GRK5: variants seen among roughly 807,000 people sequenced by gnomAD.
GRK5 encodes g protein-coupled receptor kinase GRK5.
A neutral mutation model predicts 78.4 loss-of-function variants in GRK5; 40 were observed. That is an observed-to-expected ratio of 0.51 (90% CI 0.40 to 0.66). GRK5 has a LOEUF of 0.66. GRK5 is among the 30% of genes least tolerant of loss of function. The pLI is 0.00. For missense variants in GRK5, 598 were observed against 759.9 expected (o/e 0.79, Z 2.50); for synonymous variants, 289 against 296.8 (o/e 0.97, Z 0.27).
At chr10:119,446,814 G>T (rs1853158703) in intron 12 of GRK5, among the ~76,000 whole-genome samples, 1 of 152,136 alleles carries the variant, frequency 6.6e-6, no homozygotes, top group African/African-American at 2.4e-5. Flanking sequence ...CAGACCCTGA[G>T]CCCCAAGAGG....
chr10:119,305,687 C>T (rs1055805549), intron 1 of GRK5, among the ~76,000 whole-genome samples: 4 of 152,222 alleles, frequency 2.6e-5, no homozygotes, highest in East Asian at 1.9e-4. Flanking sequence ...CCGGGAGACA[C>T]GTGTAAGTGC....
chr10:119,437,629 T>G (rs1852948646), intron 9 of GRK5, among the ~76,000 whole-genome samples: 2 of 152,190 alleles, frequency 1.3e-5, no homozygotes, highest in Admixed American at 1.3e-4. Context: ...GAAAGCTCTT[T>G]AGTGATGAGG....
chr10:119,451,374 C>CA (rs1853282146), intron 13 of GRK5, among the ~76,000 whole-genome samples: 2 of 152,040 alleles, frequency 1.3e-5, no homozygotes, highest in African/African-American at 4.8e-5. Flanking sequence ...ACGCTCATTT[C>CA]TTAACATTCC....
At chr10:119,263,787 G>T (rs150356921) in intron 1 of GRK5, among the ~76,000 whole-genome samples, 2 of 152,082 alleles carry the variant, frequency 1.3e-5, no homozygotes, top group Admixed American at 6.6e-5. Flanking sequence ...TTAGCCGGGC[G>T]TGGTGGCGGG....
At chr10:119,276,398 A>G (rs1443583543) in intron 1 of GRK5, among the ~76,000 whole-genome samples, 4 of 152,130 alleles carry the variant, frequency 2.6e-5, no homozygotes, top group East Asian at 1.9e-4. Flanking sequence ...ATGATTTCCA[A>G]TTTCATCCAT....
intron 1 of GRK5, among the ~76,000 whole-genome samples, chr10:119,214,573 G>A (rs1250833487): frequency 6.6e-6 from 1 of 152,144 alleles, no homozygotes; most frequent in Non-Finnish European, 1.5e-5. Context: ...AGTCTGTAGT[G>A]CAGTGGTGCC....
chr10:119,295,447 T>C (rs866463381), intron 1 of GRK5, among the ~76,000 whole-genome samples: 9 of 152,186 alleles, frequency 5.9e-5, no homozygotes, highest in Admixed American at 3.3e-4. Flanking sequence ...TACCATTTGA[T>C]CCAGCAATCC....
chr10:119,320,031 CAG>C (rs1850556936), intron 1 of GRK5, among the ~76,000 whole-genome samples: 1 of 152,218 alleles, frequency 6.6e-6, no homozygotes, highest in African/African-American at 2.4e-5. Flanking sequence ...GTGATCCAGA[CAG>C]GGGGCTCTGC....
chr10:119,262,015 T>C (rs1564868508), intron 1 of GRK5, among the ~76,000 whole-genome samples: 1 of 152,282 alleles, frequency 6.6e-6, no homozygotes, highest in Non-Finnish European at 1.5e-5. Flanking sequence ...TAATGAGATG[T>C]TGATACGATT....
In GRK5 at chr10:119,442,365, C is replaced by A. The variant is rs181153391; in HGVS notation, c.1057+277C>A. ...GCCAAGCCACTCTTAGGGGTCGGGG[C>A]CTGGCATACAGCGCTGCTAGGGGAG... On this transcript the variant is annotated intron_variant, in intron 11 of 15. Coordinates refer to ENST00000392870, the MANE Select transcript of GRK5 (RefSeq NM_005308.3). Among the ~76,000 whole-genome samples the A allele has an allele frequency of 5.8e-4, 89 of 152,342 alleles. 1 individual carries two copies. In the East Asian group the frequency reaches 0.014, roughly 24 times the overall value.
intron 13 of GRK5, among the ~76,000 whole-genome samples, chr10:119,449,960 G>A (rs1307490888): frequency 6.6e-6 from 1 of 152,138 alleles, no homozygotes; most frequent in African/African-American, 2.4e-5. Context: ...GGGAGTCTGG[G>A]GTAAGACTCG....
intron 1 of GRK5, among the ~76,000 whole-genome samples, chr10:119,297,918 T>C (rs955776233): frequency 6.6e-6 from 1 of 152,222 alleles, no homozygotes; most frequent in African/African-American, 2.4e-5. Flanking sequence ...AACCTTATGA[T>C]CTCTGAGCAG....
At chr10:119,409,086 G>T (rs1055794482) in intron 4 of GRK5, among the ~76,000 whole-genome samples, 2 of 152,238 alleles carry the variant, frequency 1.3e-5, no homozygotes, top group African/African-American at 2.4e-5. Context: ...TCCAGAGGCT[G>T]TGCATGCCAG....
chr10:119,425,257 G>GCA (rs1176161623), intron 6 of GRK5, among the ~76,000 whole-genome samples, 172 bp downstream of exon 6: 4 of 92,462 alleles, frequency 4.3e-5, no homozygotes, highest in South Asian at 3.5e-4. Flanking sequence ...GCTTATTCAA[G>GCA]CACACACACA....
chr10:119,414,007 G>T (rs1852396882), intron 4 of GRK5, among the ~76,000 whole-genome samples: 1 of 152,288 alleles, frequency 6.6e-6, no homozygotes, highest in East Asian at 1.9e-4. Context: ...CGCCCCGGAG[G>T]AGAAATGAGG....
intron 1 of GRK5, among the ~76,000 whole-genome samples, chr10:119,310,221 G>A (rs996964104): frequency 6.6e-6 from 1 of 152,192 alleles, no homozygotes; most frequent in African/African-American, 2.4e-5. Flanking sequence ...ATATTTTTAT[G>A]AGTATCCTAT....
At chr10:119,294,335 G>A (rs1169573710) in intron 1 of GRK5, among the ~76,000 whole-genome samples, 1 of 152,136 alleles carries the variant, frequency 6.6e-6, no homozygotes, top group Non-Finnish European at 1.5e-5. Flanking sequence ...ACCACATCTC[G>A]GTTGGTTAGA....
intron 1 of GRK5, among the ~76,000 whole-genome samples, chr10:119,312,113 G>A (rs907992956): frequency 6.6e-5 from 10 of 152,000 alleles, no homozygotes; most frequent in Non-Finnish European, 1.3e-4. Flanking sequence ...GGGTTTCACC[G>A]TGTTAGCCAG....
chr10:119,304,836 G>A (rs1394778972), intron 1 of GRK5, among the ~76,000 whole-genome samples: 2 of 152,226 alleles, frequency 1.3e-5, no homozygotes, highest in Non-Finnish European at 2.9e-5. Context: ...GGACCAGCAG[G>A]GCATTTGCAG....
Sources: gnomAD v4.1 joint callset for allele counts (sites outside exome capture counted in the v4.1 genomes callset) on GRCh38, gnomAD v4.1.1 for gene constraint, MANE v1.5 for transcripts, NCBI Gene and HGNC (gene_info 2026-07-23, HGNC 2026-07-21) for gene names.